The following STAM variants were observed in gnomAD, a reference collection of about 807,000 sequenced individuals.
STAM encodes signal transducing adaptor molecule, also known as signal transducing adapter molecule 1.
In STAM, 16 loss-of-function variants were observed where a neutral mutation model predicts 63.4. That is an observed-to-expected ratio of 0.25 (90% CI 0.17 to 0.38). The LOEUF is 0.38. STAM is among the 10% of genes least tolerant of loss of function. The pLI is 1.00. For synonymous variants in STAM, 238 were observed against 223.9 expected, an observed-to-expected ratio of 1.06 and a Z score of -0.56; for missense variants, 636 against 657.1, an observed-to-expected ratio of 0.97 and a Z score of 0.35.
intron 1 of STAM, among the ~76,000 whole-genome samples, chr10:17,651,288 A>C (rs547378402): frequency 6.6e-6 from 1 of 152,112 alleles, no homozygotes; most frequent in East Asian, 1.9e-4. Context: ...CTATTTGTTC[A>C]TTAATCCTCA....
At position 17,687,895 on chromosome 10, in the gene STAM, A is replaced by G. The variant is rs1408126620; in HGVS notation, c.298-132A>G. Reference sequence around the variant, plus strand: ...CATTAGTTTTATTTCGAATAACTATATTTTCTTGTCTATAGCTATGCATAA... The same window carrying G: ...CATTAGTTTTATTTCGAATAACTATGTTTTCTTGTCTATAGCTATGCATAA... On this transcript the variant is annotated intron_variant, in intron 4 of 13. Coordinates refer to ENST00000377524, the MANE Select transcript of STAM (RefSeq NM_003473.4). The G allele has an allele frequency of 2.1e-5, 13 of 633,684 alleles. No homozygotes were observed. In the East Asian group the frequency reaches 4.3e-4, roughly 21 times the overall value. 39.3% of individuals were successfully genotyped at this position (633,684 alleles called of 1,614,324 possible). A position where few individuals can be genotyped will look rare whatever the true frequency, so the allele number is the denominator to read the frequency against.
chr10:17,646,905 A>G (rs1833541735), intron 1 of STAM, among the ~76,000 whole-genome samples: 1 of 152,198 alleles, frequency 6.6e-6, no homozygotes, highest in South Asian at 2.1e-4. Context: ...ATCACTTAAC[A>G]CTCGTATACA....
intron 1 of STAM, among the ~76,000 whole-genome samples, chr10:17,644,872 T>G (rs1833459865): frequency 1.3e-5 from 2 of 152,190 alleles, no homozygotes; most frequent in Non-Finnish European, 1.5e-5. Context: ...GAGCTCTGGT[T>G]AAGGGTAGAC....
At chr10:17,698,128 C>T (rs1047953761) in intron 8 of STAM, among the ~76,000 whole-genome samples, 2 of 152,076 alleles carry the variant, frequency 1.3e-5, no homozygotes, top group South Asian at 2.1e-4. Flanking sequence ...GAAAATGGTG[C>T]GCTCTCATAG....
At chr10:17,646,994 A>G (rs928506149) in intron 1 of STAM, among the ~76,000 whole-genome samples, 7 of 152,234 alleles carry the variant, frequency 4.6e-5, no homozygotes, top group African/African-American at 1.7e-4. Context: ...TTTATATAAT[A>G]TAACATTTTT....
intron 2 of STAM, among the ~76,000 whole-genome samples, chr10:17,682,169 A>G (rs1287226679): frequency 6.6e-6 from 1 of 152,322 alleles, no homozygotes; most frequent in East Asian, 1.9e-4. Flanking sequence ...CACCTTATGC[A>G]AGTACTAATA....
intron 8 of STAM, among the ~76,000 whole-genome samples, chr10:17,699,806 A>C: frequency 6.6e-6 from 1 of 152,194 alleles, no homozygotes; most frequent in South Asian, 2.1e-4. Context: ...TTCTTGAAGG[A>C]TTAGTAATTT....
intron 2 of STAM, among the ~76,000 whole-genome samples, chr10:17,679,582 T>G (rs1484497228): frequency 2.9e-5 from 4 of 138,322 alleles, no homozygotes; most frequent in African/African-American, 7.5e-5. Context: ...TGCGTGTGTT[T>G]TTTTTTTTTA....
At chr10:17,689,118 C>T (rs1205678979) in intron 5 of STAM, among the ~76,000 whole-genome samples, 4 of 152,216 alleles carry the variant, frequency 2.6e-5, no homozygotes, top group South Asian at 2.1e-4. Context: ...TAATTTATGT[C>T]ATGTAGAAAA....
chr10:17,710,086 T>G (rs550343103), intron 13 of STAM, among the ~76,000 whole-genome samples: 1 of 151,962 alleles, frequency 6.6e-6, no homozygotes, highest in Admixed American at 6.6e-5. Flanking sequence ...GTAGGAATTG[T>G]TGAGAAGACA....
At chr10:17,713,601 C>T (rs1466983782) in intron 13 of STAM, among the ~76,000 whole-genome samples, 4 of 151,916 alleles carry the variant, frequency 2.6e-5, no homozygotes, top group Admixed American at 6.6e-5. Context: ...TTTTTAGGTT[C>T]TAAACCTCAG....
chr10:17,663,151 T>C (rs1359164431), intron 2 of STAM, among the ~76,000 whole-genome samples: 2 of 152,204 alleles, frequency 1.3e-5, no homozygotes, highest in African/African-American at 2.4e-5. Flanking sequence ...TGAAATTCTG[T>C]ATGTTGTAGC....
intron 2 of STAM, among the ~76,000 whole-genome samples, chr10:17,661,908 T>TC (rs34941363): frequency 0.62 from 93,459 of 151,960 alleles, 29,599 homozygotes; most frequent in African/African-American, 0.77. Context: ...GTCCCATCCA[T>TC]CCCTTTGTTG....
At chr10:17,646,207 T>C (rs1167988369) in intron 1 of STAM, among the ~76,000 whole-genome samples, 3 of 152,218 alleles carry the variant, frequency 2.0e-5, no homozygotes, top group South Asian at 2.1e-4. Flanking sequence ...AGCAACGTTA[T>C]TGACGGTTTG....
chr10:17,648,551 C>A (rs1833610392), intron 1 of STAM, among the ~76,000 whole-genome samples: 1 of 152,190 alleles, frequency 6.6e-6, no homozygotes, highest in Non-Finnish European at 1.5e-5. Context: ...CTGTAACACT[C>A]ACCACAAAGG....
At chr10:17,688,869 A>G (rs1835411667) in intron 5 of STAM, among the ~76,000 whole-genome samples, 1 of 152,170 alleles carries the variant, frequency 6.6e-6, no homozygotes, top group South Asian at 2.1e-4. Context: ...TAGCTCAGAA[A>G]TCAGGATATC....
intron 1 of STAM, among the ~76,000 whole-genome samples, chr10:17,646,643 C>T (rs1236467387): frequency 1.3e-5 from 2 of 152,110 alleles, no homozygotes; most frequent in African/African-American, 2.4e-5. Context: ...TAAAGTTGCT[C>T]AGGTTTTGGT....
At chr10:17,686,225 TG>T (rs1835287746) in intron 4 of STAM, among the ~76,000 whole-genome samples, 1 of 152,202 alleles carries the variant, frequency 6.6e-6, no homozygotes, top group Non-Finnish European at 1.5e-5. Context: ...CCATGTTTTT[TG>T]TAATGTAGGT....
At chr10:17,671,417 A>T (rs1476507258) in intron 2 of STAM, among the ~76,000 whole-genome samples, 5 of 152,202 alleles carry the variant, frequency 3.3e-5, no homozygotes, top group African/African-American at 9.6e-5. Context: ...TTTTGTATTA[A>T]CATTCTGATA....
Sources: gnomAD v4.1 joint callset for allele counts (sites outside exome capture counted in the v4.1 genomes callset) on GRCh38, gnomAD v4.1.1 for gene constraint, MANE v1.5 for transcripts, NCBI Gene and HGNC (gene_info 2026-07-23, HGNC 2026-07-21) for gene names.